The following PTPRM variants were observed in gnomAD, a reference collection of about 807,000 sequenced individuals.
PTPRM encodes protein tyrosine phosphatase receptor type M, also known as receptor-type tyrosine-protein phosphatase mu.
In PTPRM, 47 loss-of-function variants were observed where a neutral mutation model predicts 186.7. The observed-to-expected ratio is 0.25, with a 90% confidence interval of 0.20 to 0.32. PTPRM has a LOEUF of 0.32. Among genes scored for constraint, PTPRM ranks in the 10% least tolerant of loss-of-function variants. The pLI, the probability that PTPRM is intolerant of heterozygous loss-of-function variation, is 1.00. For missense variants in PTPRM, 1,494 were observed against 1,865.0 expected (o/e 0.80, Z 3.66); for synonymous variants, 668 against 674.9 (o/e 0.99, Z 0.16).
At chr18:7,948,405 C>T (rs2052700308) in intron 5 of PTPRM, among the ~76,000 whole-genome samples, 1 of 152,052 alleles carries the variant, frequency 6.6e-6, no homozygotes, top group African/African-American at 2.4e-5. Context: ...TTTGAAGCCA[C>T]GAGGTTTGAG....
At chr18:7,725,347 T>A (rs2040525734) in intron 1 of PTPRM, among the ~76,000 whole-genome samples, 2 of 152,126 alleles carry the variant, frequency 1.3e-5, no homozygotes. Flanking sequence ...ATTGTCCATA[T>A]TTTTTGTTCT....
intron 32 of PTPRM, among the ~76,000 whole-genome samples, chr18:8,400,405 C>T (rs187195655): frequency 4.1e-4 from 62 of 152,318 alleles, no homozygotes; most frequent in South Asian, 2.1e-3. Context: ...CTTGAGAATC[C>T]GCCCACCCCC....
chr18:7,949,219 G>A lies in PTPRM; in HGVS notation c.702G>A (p.Lys234=). Residue 234 remains lysine (K), a synonymous_variant, in exon 6 of 33, where the codon AAG becomes AAA. Transcript: ENST00000580170. ...DVRDAPLKEI[K]VTSSRRFIAS... is the part of the protein sequence containing the mutation. ...GAGATGCTCCTCTGAAGGAAATCAAGGTGACCAGCTCCCGACGCTTCATTG... is the reference window on the plus strand; with the variant it reads ...GAGATGCTCCTCTGAAGGAAATCAAAGTGACCAGCTCCCGACGCTTCATTG... 6.2e-7 allele frequency: 1 copy of A among 1,611,306 alleles called. No individual in the cohort carries two copies. The highest frequency in any genetic ancestry group is 1.3e-5 in the African/African-American group (1 of 74,988).
chr18:7,697,532 G>C (rs2039871199), intron 1 of PTPRM, among the ~76,000 whole-genome samples: 1 of 152,188 alleles, frequency 6.6e-6, no homozygotes, highest in African/African-American at 2.4e-5. Context: ...ACTATTGTGT[G>C]ATTGTCAGAT....
intron 23 of PTPRM, among the ~76,000 whole-genome samples, chr18:8,358,641 A>T (rs2095578152): frequency 6.6e-6 from 1 of 152,186 alleles, no homozygotes; most frequent in Non-Finnish European, 1.5e-5. Flanking sequence ...AAAAGAGAGG[A>T]TCCTTCAAGA....
intron 7 of PTPRM, among the ~76,000 whole-genome samples, chr18:8,029,888 T>C (rs2085845970): frequency 6.6e-6 from 1 of 152,202 alleles, no homozygotes; most frequent in African/African-American, 2.4e-5. Context: ...TGACCATCCG[T>C]GTGGCTGAGG....
intron 23 of PTPRM, among the ~76,000 whole-genome samples, chr18:8,343,821 A>G (rs962400875): frequency 3.3e-5 from 5 of 151,884 alleles, no homozygotes; most frequent in African/African-American, 1.2e-4. Flanking sequence ...TTGAGTGTCA[A>G]AACTCAATGG....
intron 2 of PTPRM, among the ~76,000 whole-genome samples, chr18:7,845,493 T>G (rs566816506): frequency 3.9e-5 from 6 of 152,306 alleles, no homozygotes; most frequent in African/African-American, 9.6e-5. Context: ...ACCGCAAAGT[T>G]CCTGCAGGAT....
chr18:7,758,541 TTGTC>T (rs2041616958), intron 1 of PTPRM, among the ~76,000 whole-genome samples: 1 of 152,166 alleles, frequency 6.6e-6, no homozygotes, highest in South Asian at 2.1e-4. Flanking sequence ...AATTAACAAT[TTGTC>T]TGTAATAGGA....
At chr18:8,037,852 A>G (rs1005312738) in intron 7 of PTPRM, among the ~76,000 whole-genome samples, 4 of 152,152 alleles carry the variant, frequency 2.6e-5, no homozygotes, top group Non-Finnish European at 5.9e-5. Context: ...AAGGGTGCAG[A>G]GGTGCGAGCC....
At chr18:8,164,137 A>C (rs1341171310) in intron 14 of PTPRM, among the ~76,000 whole-genome samples, 2 of 152,224 alleles carry the variant, frequency 1.3e-5, no homozygotes, top group African/African-American at 4.8e-5. Flanking sequence ...AATGTTGTTT[A>C]GTATCATAAG....
chr18:7,903,408 G>T (rs1308265143), intron 3 of PTPRM, among the ~76,000 whole-genome samples: 2 of 152,212 alleles, frequency 1.3e-5, no homozygotes, highest in African/African-American at 4.8e-5. Flanking sequence ...CAGCTTGCAG[G>T]TTCCTGCAGT....
intron 7 of PTPRM, among the ~76,000 whole-genome samples, chr18:8,020,900 C>T (rs73385623): frequency 5.3e-5 from 8 of 152,234 alleles, no homozygotes; most frequent in African/African-American, 1.4e-4. Flanking sequence ...GTGTGGGACT[C>T]GGATTTGTAA....
At chr18:7,727,489 C>CT (rs1015241600) in intron 1 of PTPRM, among the ~76,000 whole-genome samples, 2 of 152,034 alleles carry the variant, frequency 1.3e-5, no homozygotes, top group South Asian at 2.1e-4. Context: ...TGCATTCCCA[C>CT]TTTTTTTTGT....
At chr18:8,352,766 G>A (rs1416372865) in intron 23 of PTPRM, among the ~76,000 whole-genome samples, 1 of 151,670 alleles carries the variant, frequency 6.6e-6, no homozygotes, top group East Asian at 1.9e-4. Context: ...CCGCCTCCTG[G>A]GTTCAAGCAA....
rs542117914 is a variant in PTPRM, at chr18:8,282,031, A to G, written c.2755-14337A>G. On this transcript the variant is annotated intron_variant, in intron 19 of 32. Coordinates refer to ENST00000580170, the MANE Select transcript of PTPRM (RefSeq NM_001105244.2). Reference sequence around the variant, plus strand: ...GAAGACTGGGGGAAAATATTTACAAACTACATATCAAAGGATTCATATCTA... The same window carrying G: ...GAAGACTGGGGGAAAATATTTACAAGCTACATATCAAAGGATTCATATCTA... Among the ~76,000 whole-genome samples, 439 of 152,264 alleles carry G rather than the reference A, an allele frequency of 2.9e-3. 1 individual carries two copies. The highest frequency in any genetic ancestry group is 4.4e-3 in the Non-Finnish European group (302 of 68,024).
At position 7,920,222 on chromosome 18, in the gene PTPRM, C is replaced by T. The variant is rs191198228; in HGVS notation, c.548-6346C>T. On this transcript the variant is annotated intron_variant, in intron 4 of 32. Transcript: ENST00000580170. ...ATTATTAAGTAAAGACTTACTACTG[C>T]CATTTTGTTGCTTAATTTCTGGTTG... Among the ~76,000 whole-genome samples the T allele has an allele frequency of 3.5e-3, 528 of 152,184 alleles. 3 individuals carry two copies. Among genetic ancestry groups the T allele is most frequent in the Non-Finnish European group, 5.1e-3 (347 of 67,958 alleles).
intron 11 of PTPRM, among the ~76,000 whole-genome samples, chr18:8,103,394 A>G (rs2091379380): frequency 6.6e-6 from 1 of 152,356 alleles, no homozygotes; most frequent in South Asian, 2.1e-4. Context: ...GATCTTCTGG[A>G]TAATGTGCTA....
intron 20 of PTPRM, among the ~76,000 whole-genome samples, chr18:8,313,283 C>T (rs1015349318): frequency 2.0e-5 from 3 of 152,166 alleles, no homozygotes; most frequent in African/African-American, 4.8e-5. Flanking sequence ...TTATCAGGCC[C>T]CCCTGTGCTT....
Sources: gnomAD v4.1 joint callset for allele counts (sites outside exome capture counted in the v4.1 genomes callset) on GRCh38, gnomAD v4.1.1 for gene constraint, MANE v1.5 for transcripts, NCBI Gene and HGNC (gene_info 2026-07-23, HGNC 2026-07-21) for gene names.